The following ZFPM2 variants were observed in gnomAD, a reference collection of about 807,000 sequenced individuals.
The protein encoded by ZFPM2 is zinc finger protein, FOG family member 2.
In ZFPM2, 20 loss-of-function variants were observed where a neutral mutation model predicts 98.6. That is an observed-to-expected ratio of 0.20 (90% CI 0.14 to 0.29). ZFPM2 has a LOEUF of 0.29. Ranked by LOEUF, ZFPM2 falls within the 10% of genes least tolerant of loss-of-function variation. The pLI, the probability that ZFPM2 is intolerant of heterozygous loss-of-function variation, is 1.00. For missense variants in ZFPM2, 1,310 were observed against 1,388.6 expected (o/e 0.94, Z 0.90); for synonymous variants, 518 against 502.7 (o/e 1.03, Z -0.41).
chr8:105,617,883 A>G (rs978984644), intron 4 of ZFPM2, among the ~76,000 whole-genome samples: 7 of 152,168 alleles, frequency 4.6e-5, no homozygotes, highest in African/African-American at 1.7e-4. Context: ...ATAAAATATT[A>G]AAAAGTATTC....
At chr8:105,390,634 C>A (rs1351345774) in intron 1 of ZFPM2, among the ~76,000 whole-genome samples, 1 of 152,182 alleles carries the variant, frequency 6.6e-6, no homozygotes, top group Non-Finnish European at 1.5e-5. Context: ...AAGACAGAGA[C>A]ATTCCTATCA....
intron 3 of ZFPM2, among the ~76,000 whole-genome samples, chr8:105,553,970 A>G (rs527382934): frequency 2.0e-5 from 3 of 152,282 alleles, no homozygotes; most frequent in Non-Finnish European, 2.9e-5. Flanking sequence ...GTCAGAAGGG[A>G]TAAGATCACT....
At chr8:105,586,405 AT>A (rs147459160) in intron 4 of ZFPM2, among the ~76,000 whole-genome samples, 1 of 151,464 alleles carries the variant, frequency 6.6e-6, no homozygotes, top group African/African-American at 2.4e-5. Flanking sequence ...TTGTGCTGGA[AT>A]TTTTTTATTA....
intron 4 of ZFPM2, among the ~76,000 whole-genome samples, chr8:105,628,800 A>G (rs566058508): frequency 5.3e-5 from 8 of 152,190 alleles, no homozygotes; most frequent in Admixed American, 3.9e-4. Flanking sequence ...CAATTTGTTC[A>G]TGCAACCCCA....
chr8:105,568,528 G>A (rs1815286707), intron 4 of ZFPM2, among the ~76,000 whole-genome samples: 1 of 151,982 alleles, frequency 6.6e-6, no homozygotes, highest in African/African-American at 2.4e-5. Flanking sequence ...CATCTTCCAA[G>A]ACTCTCCATT....
At chr8:105,497,972 A>T (rs1463064784) in intron 3 of ZFPM2, among the ~76,000 whole-genome samples, 1 of 148,940 alleles carries the variant, frequency 6.7e-6, no homozygotes, top group Non-Finnish European at 1.5e-5. Context: ...GGGTCACTTG[A>T]GCTAGGAGTT....
chr8:105,345,153 G>T (rs1001463102), intron 1 of ZFPM2, among the ~76,000 whole-genome samples: 2 of 152,090 alleles, frequency 1.3e-5, no homozygotes, highest in African/African-American at 4.8e-5. Flanking sequence ...GACATCATAA[G>T]TAAGCTCATT....
At chr8:105,569,757 C>T (rs1586469462) in intron 4 of ZFPM2, among the ~76,000 whole-genome samples, 1 of 152,180 alleles carries the variant, frequency 6.6e-6, no homozygotes, top group Non-Finnish European at 1.5e-5. Context: ...GTGTTCTGCT[C>T]TACCATGCTT....
chr8:105,382,140 G>T (rs1256514625), intron 1 of ZFPM2, among the ~76,000 whole-genome samples: 1 of 152,000 alleles, frequency 6.6e-6, no homozygotes, highest in African/African-American at 2.4e-5. Flanking sequence ...ATGAATACAG[G>T]CTTAATGAGT....
rs138387767 is a variant in ZFPM2 at position 105,401,478 on chromosome 8, C to T, written c.41-17666C>T. On this transcript the variant is annotated intron_variant, in intron 1 of 7. Coordinates refer to ENST00000407775, the MANE Select transcript of ZFPM2 (RefSeq NM_012082.4). Reference sequence around the variant, plus strand: ...AAGTTTAAAAGATTTTTAAGATTTCCCATACTTTTTCTAGAGAATTTCAGG... The same window carrying T: ...AAGTTTAAAAGATTTTTAAGATTTCTCATACTTTTTCTAGAGAATTTCAGG... Among the ~76,000 whole-genome samples, 1,460 of 152,044 alleles carry T rather than the reference C, an allele frequency of 9.6e-3. 11 individuals are homozygous for T. The highest frequency in any genetic ancestry group is 0.016 in the Non-Finnish European group (1,072 of 67,966).
chr8:105,325,847 GC>G (rs1192474130), intron 1 of ZFPM2, among the ~76,000 whole-genome samples: 1 of 151,680 alleles, frequency 6.6e-6, no homozygotes, highest in East Asian at 1.9e-4. Context: ...AGTAATTTGT[GC>G]TTTTGACAAA....
intron 5 of ZFPM2, among the ~76,000 whole-genome samples, chr8:105,750,450 A>C (rs1224478854): frequency 6.6e-6 from 1 of 152,086 alleles, no homozygotes; most frequent in Non-Finnish European, 1.5e-5. Flanking sequence ...TTAGTAGGTG[A>C]AATTGGGTTC....
At chr8:105,474,403 T>A (rs546014467) in intron 3 of ZFPM2, among the ~76,000 whole-genome samples, 1 of 152,342 alleles carries the variant, frequency 6.6e-6, no homozygotes, top group African/African-American at 2.4e-5. Flanking sequence ...GTGAATCCAC[T>A]GTGATTTAAA....
In ZFPM2 at chr8:105,613,527, A is replaced by G. The variant is rs538026130; in HGVS notation, c.421-20719A>G. Among the ~76,000 whole-genome samples, 3 of 152,288 alleles carry G rather than the reference A, an allele frequency of 2.0e-5. No individual in the cohort carries two copies. The South Asian group carries it at 6.2e-4, about 32-fold the overall frequency. ...TGTTGAAAGGTTCCTCTGAACTTTG[A>G]TAGGAAGGAAGAGCAAGAAAAATGA... is the stretch of plus-strand genomic sequence containing the variant. On this transcript the variant is annotated intron_variant, in intron 4 of 7. Coordinates refer to ENST00000407775, the MANE Select transcript of ZFPM2 (RefSeq NM_012082.4).
chr8:105,618,250 C>T (rs1240518057), intron 4 of ZFPM2, among the ~76,000 whole-genome samples: 1 of 152,104 alleles, frequency 6.6e-6, no homozygotes, highest in African/African-American at 2.4e-5. Flanking sequence ...ATTGCTTTAA[C>T]ACCATAGAAA....
intron 4 of ZFPM2, among the ~76,000 whole-genome samples, chr8:105,597,520 T>C (rs947531806): frequency 2.0e-5 from 3 of 152,142 alleles, no homozygotes; most frequent in African/African-American, 7.2e-5. Flanking sequence ...CACAGTAGTT[T>C]CTTGTTAAAT....
rs558254148 is a variant in ZFPM2, at chr8:105,421,823, C to T, written c.199+2521C>T. On this transcript the variant is annotated intron_variant, in intron 2 of 7. Transcript: ENST00000407775. Reference sequence around the variant, plus strand: ...ATCCTAGCACTTTGGGAGGCTGAGGCGGGTGGATCACCTGAGGTCAGGAGA... The same window carrying T: ...ATCCTAGCACTTTGGGAGGCTGAGGTGGGTGGATCACCTGAGGTCAGGAGA... Among the ~76,000 whole-genome samples the T allele has an allele frequency of 5.3e-5, 8 of 152,054 alleles. No individual in the cohort carries two copies. The South Asian group carries it at 6.2e-4, about 12-fold the overall frequency.
intron 1 of ZFPM2, among the ~76,000 whole-genome samples, chr8:105,345,245 T>C (rs983443385): frequency 6.6e-6 from 1 of 152,062 alleles, no homozygotes; most frequent in Non-Finnish European, 1.5e-5. Flanking sequence ...AAATCAGTAA[T>C]AATAGGTTAC....
chr8:105,326,416 A>G (rs1475834110), intron 1 of ZFPM2, among the ~76,000 whole-genome samples: 1 of 151,744 alleles, frequency 6.6e-6, no homozygotes, highest in East Asian at 1.9e-4. Context: ...GATTATGGGC[A>G]CTAAATACAC....
Sources: allele counts gnomAD v4.1 joint callset (sites outside exome capture counted in the v4.1 genomes callset), GRCh38; gene constraint gnomAD v4.1.1; transcripts MANE v1.5; gene names NCBI Gene and HGNC (gene_info 2026-07-23, HGNC 2026-07-21).